TMPRSS11F: variants seen among roughly 807,000 people sequenced by gnomAD.
TMPRSS11F encodes the protein transmembrane serine protease 11F, also known as transmembrane protease serine 11F.
In TMPRSS11F, 47 loss-of-function variants were observed where a neutral mutation model predicts 60.2. That is an observed-to-expected ratio of 0.78 (90% CI 0.62 to 1.00). The LOEUF (loss-of-function observed/expected upper bound fraction) is 1.00, where lower values mean the gene tolerates loss of function less well. TMPRSS11F is among the 50% of genes least tolerant of loss of function. TMPRSS11F has a pLI of 0.00. For missense variants in TMPRSS11F, 519 were observed against 522.9 expected (o/e 0.99, Z 0.07); for synonymous variants, 166 against 167.3 (o/e 0.99, Z 0.06).
At chr4:68,080,100 C>G (rs139916030) in intron 3 of TMPRSS11F, 1 of 152,224 alleles carries the variant, frequency 6.6e-6, no homozygotes, top group African/African-American at 2.4e-5. Flanking sequence ...AAAACTGATT[C>G]TTTTCCTCTT....
intron 1 of TMPRSS11F, among the ~76,000 whole-genome samples, chr4:68,105,553 A>G (rs565305877): frequency 4.6e-5 from 7 of 152,300 alleles, no homozygotes; most frequent in African/African-American, 1.7e-4. Context: ...CCAAAATAAT[A>G]CAAATAATAA....
chr4:68,118,583 G>C (rs1446317854), intron 1 of TMPRSS11F, among the ~76,000 whole-genome samples: 1 of 152,044 alleles, frequency 6.6e-6, no homozygotes, highest in Non-Finnish European at 1.5e-5. Context: ...TCATAAGCTT[G>C]GTAAGTAATT....
intron 3 of TMPRSS11F, among the ~76,000 whole-genome samples, chr4:68,086,684 A>T (rs532290244): frequency 2.6e-5 from 4 of 152,274 alleles, no homozygotes; most frequent in Non-Finnish European, 5.9e-5. Context: ...GACAAAGTTG[A>T]CATTACAACC....
At position 68,053,893 on chromosome 4, in the gene TMPRSS11F, T is replaced by C; in HGVS notation, c.*16A>G. The C allele has an allele frequency of 6.2e-7, 1 of 1,607,424 alleles. No homozygotes were observed. Among genetic ancestry groups the C allele is most frequent in the Non-Finnish European group, 8.5e-7 (1 of 1,174,584 alleles). ...CAGCTCTGTGTGCCATGTGTATAACTCATGGGCAATCCACACTACATACCA... is the reference window on the plus strand; with the variant it reads ...CAGCTCTGTGTGCCATGTGTATAACCCATGGGCAATCCACACTACATACCA... On this transcript the variant is annotated 3_prime_UTR_variant, in exon 10 of 10. Coordinates refer to ENST00000356291, the MANE Select transcript of TMPRSS11F (RefSeq NM_207407.2).
chr4:68,088,173 G>A (rs559659344), intron 3 of TMPRSS11F, among the ~76,000 whole-genome samples: 1 of 151,876 alleles, frequency 6.6e-6, no homozygotes, highest in South Asian at 2.1e-4. Flanking sequence ...ACACACATAG[G>A]CACAAAATAA....
chr4:68,084,303 C>T (rs910137496), intron 3 of TMPRSS11F, among the ~76,000 whole-genome samples: 11 of 151,926 alleles, frequency 7.2e-5, no homozygotes, highest in African/African-American at 2.4e-4. Context: ...CATGCAAATT[C>T]AAGAAATGCA....
chr4:68,099,209 C>T (rs1724139864), intron 1 of TMPRSS11F, among the ~76,000 whole-genome samples, 171 bp from the exon 2 acceptor site: 1 of 152,088 alleles, frequency 6.6e-6, no homozygotes, highest in Non-Finnish European at 1.5e-5. Flanking sequence ...CCGCAAAAAC[C>T]CAATCACAGA....
At chr4:68,101,712 T>C (rs1018075937) in intron 1 of TMPRSS11F, among the ~76,000 whole-genome samples, 1 of 152,154 alleles carries the variant, frequency 6.6e-6, no homozygotes, top group Non-Finnish European at 1.5e-5. Flanking sequence ...AAATAAATTT[T>C]ATTGTGCATA....
chr4:68,069,970 A>G lies in TMPRSS11F; in HGVS notation c.552T>C (p.Ser184=), dbSNP rs1723417795. 5 of 1,602,710 alleles carry G rather than the reference A, an allele frequency of 3.1e-6. No homozygotes were observed. The highest frequency in any genetic ancestry group is 2.6e-6 in the Non-Finnish European group (3 of 1,174,164). The change falls in exon 6 of 10, where the codon AGT becomes AGC. Residue 184 remains serine, a splice_region_variant and synonymous_variant. Transcript: ENST00000356291. ...TTAATTGTGGGTTTTGGAACTTACG[A>G]CTGTTGAGAAGATTCCTCATCTTTT... is the stretch of plus-strand genomic sequence containing the variant. ...DSKKMRNLLN[S]RCGIRMTSSN... is the part of the protein sequence containing the mutation.
At chr4:68,104,354 A>G (rs1035832429) in intron 1 of TMPRSS11F, among the ~76,000 whole-genome samples, 1 of 152,108 alleles carries the variant, frequency 6.6e-6, no homozygotes, top group African/African-American at 2.4e-5. Context: ...CTCATCTTGA[A>G]TTGTAGTTCC....
chr4:68,066,876 G>C (rs538142355), intron 7 of TMPRSS11F, among the ~76,000 whole-genome samples: 1 of 151,166 alleles, frequency 6.6e-6, no homozygotes, highest in East Asian at 2.0e-4. Flanking sequence ...AGAGCTTGCA[G>C]TGAGCTGAGA....
intron 1 of TMPRSS11F, among the ~76,000 whole-genome samples, chr4:68,121,567 T>C (rs955220058): frequency 1.3e-5 from 2 of 152,180 alleles, no homozygotes; most frequent in Non-Finnish European, 2.9e-5. Context: ...GAATGTGCTA[T>C]GGTTGTGCAG....
Position 68,059,477 on chromosome 4 carries a change from C to G in TMPRSS11F, c.1016-9G>C. The G allele has an allele frequency of 6.2e-7, 1 of 1,605,702 alleles. No homozygotes were observed. Among genetic ancestry groups the G allele is most frequent in the Non-Finnish European group, 8.5e-7 (1 of 1,175,982 alleles). On this transcript the variant is annotated splice_polypyrimidine_tract_variant and intron_variant, in intron 8 of 9. Coordinates refer to ENST00000356291, the MANE Select transcript of TMPRSS11F (RefSeq NM_207407.2). ...TGTATTTTGTATAGGTCCTATTGCA[C>G]AAATGGATAAAAAAACAAATAAACA...
At chr4:68,120,367 C>G (rs1043520159) in intron 1 of TMPRSS11F, among the ~76,000 whole-genome samples, 2 of 148,716 alleles carry the variant, frequency 1.3e-5, no homozygotes, top group Non-Finnish European at 3.0e-5. Context: ...TCACATGCTA[C>G]AGAGAAATCT....
chr4:68,059,107 T>A (rs568030484), intron 9 of TMPRSS11F, among the ~76,000 whole-genome samples: 1 of 152,318 alleles, frequency 6.6e-6, no homozygotes, highest in South Asian at 2.1e-4. Context: ...TTTTATCTCA[T>A]TACATTAAAT....
chr4:68,062,553 C>G (rs765118211), intron 8 of TMPRSS11F: 1 of 793,204 alleles, frequency 1.3e-6, no homozygotes, highest in African/African-American at 1.7e-5. Context: ...CATCGTGACT[C>G]TAGCAACGCC....
chr4:68,118,486 T>C (rs2109886866), intron 1 of TMPRSS11F, among the ~76,000 whole-genome samples: 1 of 152,290 alleles, frequency 6.6e-6, no homozygotes, highest in Middle Eastern at 3.4e-3. Flanking sequence ...TTCCTGTATA[T>C]TTTATGCAAT....
At chr4:68,059,663 T>C (rs566461819) in intron 8 of TMPRSS11F, among the ~76,000 whole-genome samples, 195 bp from the exon 9 acceptor site, 1 of 152,322 alleles carries the variant, frequency 6.6e-6, no homozygotes, top group East Asian at 1.9e-4. Context: ...ATATCACATT[T>C]GTAGATCTTT....
Position 68,072,368 on chromosome 4 carries a change from T to G in TMPRSS11F, c.469A>C (p.Lys157Gln). The G allele has an allele frequency of 6.2e-7, 1 of 1,605,298 alleles. No individual in the cohort carries two copies. The highest frequency in any genetic ancestry group is 8.5e-7 in the Non-Finnish European group (1 of 1,175,302). Residue 157 changes from lysine (K) to glutamine (Q), a missense_variant, in exon 5 of 10, where the codon AAA becomes CAA. Transcript: ENST00000356291. ...EKALYQSLKT[K>Q]QLSLTINKPS... ...TTGTTTATGGTCAAAGACAATTGTTTGGTCTTCAAACTTTGATATAAAGCC... is the reference window on the plus strand; with the variant it reads ...TTGTTTATGGTCAAAGACAATTGTTGGGTCTTCAAACTTTGATATAAAGCC...
Sources: gnomAD v4.1 joint callset for allele counts (sites outside exome capture counted in the v4.1 genomes callset) on GRCh38, gnomAD v4.1.1 for gene constraint, MANE v1.5 for transcripts, NCBI Gene and HGNC (gene_info 2026-07-23, HGNC 2026-07-21) for gene names.